The following LRCH2 variants were observed in gnomAD, a reference collection of about 807,000 sequenced individuals.
LRCH2 encodes the protein leucine-rich repeat and calponin homology domain-containing protein 2.
A neutral mutation model predicts 68.9 loss-of-function variants in LRCH2; 38 were observed. The ratio of observed to expected loss-of-function variants is 0.55; its 90% CI spans 0.43 to 0.72. The LOEUF is 0.72. Among genes scored for constraint, LRCH2 ranks in the 30% least tolerant of loss-of-function variants. The pLI is 0.00. For missense variants in LRCH2, 528 were observed against 572.9 expected, an observed-to-expected ratio of 0.92 and a Z score of 0.80; for synonymous variants, 191 against 208.1, an observed-to-expected ratio of 0.92 and a Z score of 0.71.
intron 1 of LRCH2, chrX:115,191,455 T>C (rs1556559364): frequency 1.8e-6 from 2 of 1,133,778 alleles, no homozygotes; most frequent in African/African-American, 2.0e-5. Context: ...CTACGAGGAG[T>C]ACCGAGGCCG....
chrX:115,120,465 T>A (rs1353017127), intron 20 of LRCH2, among the ~76,000 whole-genome samples: 2 of 82,983 alleles, frequency 2.4e-5, no homozygotes, highest in African/African-American at 4.7e-5. Context: ...TCAAAACCAC[T>A]ATGAGATACC....
rs782539270 is a variant in LRCH2 at position 115,209,600 on chromosome X, A to C, written c.350-21230T>G. On this transcript the variant is annotated intron_variant, in intron 1 of 20. Transcript: ENST00000317135. ...AGCATGAAAATGAACTAATACAGTA[A>C]ATTGGTACCAGTAGAGTGGGGCACT... 1.8e-5 allele frequency among the ~76,000 whole-genome samples: 2 copies of C among 112,129 alleles called. 1 individual carries two copies. Among genetic ancestry groups the C allele is most frequent in the South Asian group, 7.5e-4 (2 of 2,680 alleles).
chrX:115,122,401 A>C, intron 20 of LRCH2, 126 bp downstream of exon 20: 1 of 490,369 alleles, frequency 2.0e-6, no homozygotes, highest in African/African-American at 2.4e-5. Context: ...GCTTAGGAGA[A>C]GGTACCAAGA....
rs182937900 is a variant in LRCH2 at position 115,163,578 on chromosome X, T to C, written c.1463+98A>G. ...TGAGATAGATCTTAAGAGGGCACTA[T>C]TGTTTACTCAAAACTTCATATACTT... On this transcript the variant is annotated intron_variant, in intron 11 of 20. Transcript: ENST00000317135. 449 of 567,857 alleles carry C rather than the reference T, an allele frequency of 7.9e-4. No individual in the cohort carries two copies. The African/African-American group carries it at 8.4e-3, about 11-fold the overall frequency. The allele number at this position is 567,857 out of a possible 1,213,427, so 46.8% of individuals were successfully genotyped here.
chrX:115,189,615 C>T (rs1556556216), intron 1 of LRCH2: 2 of 1,169,483 alleles, frequency 1.7e-6, no homozygotes, highest in Non-Finnish European at 1.1e-6. Flanking sequence ...CCTTCGAAAG[C>T]CCTGCAGACG....
At chrX:115,156,700 C>T in intron 11 of LRCH2, 33 bp from the exon 12 acceptor site, 7 of 939,451 alleles carry the variant, frequency 7.5e-6, no homozygotes, top group Non-Finnish European at 1.0e-5. Flanking sequence ...ATTCCCAAAT[C>T]TATTAAGAAT....
intron 1 of LRCH2, among the ~76,000 whole-genome samples, chrX:115,213,957 A>G (rs2073025066): frequency 8.9e-6 from 1 of 112,262 alleles, no homozygotes. Flanking sequence ...ATGATAGGTA[A>G]TGTTCATAAA....
In LRCH2 at chrX:115,111,586, G is replaced by C. The variant is rs1022550709; in HGVS notation, c.*1630C>G. On this transcript the variant is annotated 3_prime_UTR_variant, in exon 21 of 21. Transcript: ENST00000317135. ...TCCAACTAAAAAATTAACAACTAAT[G>C]AGGTCAAATATTTAAAATAATAAAT... 9.1e-6 allele frequency: 1 copy of C among 110,106 alleles called. No homozygotes were observed. The highest frequency in any genetic ancestry group is 9.8e-5 in the Admixed American group (1 of 10,202). 9.1% of individuals were successfully genotyped at this position (110,106 alleles called of 1,213,427 possible). A position where few individuals can be genotyped will look rare whatever the true frequency, so the allele number is the denominator to read the frequency against.
At chrX:115,151,388 G>GA (rs782131809) in intron 12 of LRCH2, among the ~76,000 whole-genome samples, 32 of 110,681 alleles carry the variant, frequency 2.9e-4, no homozygotes, top group African/African-American at 9.5e-4. Flanking sequence ...TACACTGAAA[G>GA]AAAGAATAAA....
At chrX:115,154,096 T>C (rs1461073055) in intron 12 of LRCH2, among the ~76,000 whole-genome samples, 1 of 111,255 alleles carries the variant, frequency 9.0e-6, no homozygotes, top group African/African-American at 3.3e-5. Flanking sequence ...AAAAGAGAGC[T>C]GGACTGACAA....
chrX:115,159,664 T>C (rs1329231885), intron 11 of LRCH2, among the ~76,000 whole-genome samples: 3 of 105,337 alleles, frequency 2.8e-5, no homozygotes, highest in African/African-American at 7.0e-5. Context: ...GGCAGGAGAA[T>C]GGCGTGAACC....
chrX:115,170,465 G>A lies in LRCH2; in HGVS notation c.865-33C>T, dbSNP rs782208509. On this transcript the variant is annotated intron_variant, in intron 5 of 20. Transcript: ENST00000317135. ...TAAAAAATAAAGATTTAATTATATAGTTCCAAATATAAATGACATCTATCA... is the reference window on the plus strand; with the variant it reads ...TAAAAAATAAAGATTTAATTATATAATTCCAAATATAAATGACATCTATCA... 22 of 996,100 alleles carry A rather than the reference G, an allele frequency of 2.2e-5. No homozygotes were observed. In the South Asian group the frequency reaches 6.5e-4, roughly 29 times the overall value. 82.1% of individuals were successfully genotyped at this position (996,100 alleles called of 1,213,427 possible). A position where few individuals can be genotyped will look rare whatever the true frequency, so the allele number is the denominator to read the frequency against.
At chrX:115,145,695 ACAT>A (rs2072376101) in intron 14 of LRCH2, among the ~76,000 whole-genome samples, 1 of 112,046 alleles carries the variant, frequency 8.9e-6, no homozygotes, top group Non-Finnish European at 1.9e-5. Context: ...AAGGTGCTCA[ACAT>A]CATTGATCAT....
chrX:115,188,967 A>C (rs1049877331), intron 1 of LRCH2, among the ~76,000 whole-genome samples: 10 of 112,098 alleles, frequency 8.9e-5, no homozygotes, highest in Non-Finnish European at 1.3e-4. Flanking sequence ...TTTAAAAGCA[A>C]ACACAAAAAT....
chrX:115,190,059 G>A (rs1344176388), intron 1 of LRCH2: 2 of 1,153,662 alleles, frequency 1.7e-6, no homozygotes, highest in Non-Finnish European at 2.3e-6. Context: ...CCCACAAGAG[G>A]GCTGTGCCCC....
intron 1 of LRCH2, among the ~76,000 whole-genome samples, chrX:115,224,890 T>C (rs2073109127): frequency 9.0e-6 from 1 of 111,551 alleles, no homozygotes; most frequent in Non-Finnish European, 1.9e-5. Flanking sequence ...TATTTTATGC[T>C]TAGGTTCAAC....
intron 11 of LRCH2, among the ~76,000 whole-genome samples, chrX:115,159,676 A>G (rs984628663): frequency 2.1e-4 from 22 of 107,037 alleles, no homozygotes; most frequent in African/African-American, 5.5e-4. Flanking sequence ...GCGTGAACCC[A>G]GGAGGCGGAG....
intron 1 of LRCH2, chrX:115,198,591 G>A (rs2072908378): frequency 1.9e-5 from 3 of 156,471 alleles, no homozygotes; most frequent in African/African-American, 3.2e-5. Context: ...CACCCCATAC[G>A]AGCGGTGCAC....
At chrX:115,187,459 G>C (rs1556554856) in intron 2 of LRCH2, among the ~76,000 whole-genome samples, 1 of 111,617 alleles carries the variant, frequency 9.0e-6, no homozygotes, top group Non-Finnish European at 1.9e-5. Flanking sequence ...ACATATATAG[G>C]GTAAAAGCTA....
Sources: allele counts gnomAD v4.1 joint callset (sites outside exome capture counted in the v4.1 genomes callset), GRCh38; gene constraint gnomAD v4.1.1; transcripts MANE v1.5; gene names NCBI Gene and HGNC (gene_info 2026-07-23, HGNC 2026-07-21).